Variants in MECOM observed in about 807,000 individuals in gnomAD.
The protein encoded by MECOM is MDS1 and EVI1 complex locus.
A neutral mutation model predicts 116.3 loss-of-function variants in MECOM; 13 were observed. That is an observed-to-expected ratio of 0.11 (90% CI 0.07 to 0.18). MECOM has a LOEUF of 0.18. Ranked by LOEUF, MECOM falls within the 10% of genes least tolerant of loss-of-function variation. The pLI, the probability that MECOM is intolerant of heterozygous loss-of-function variation, is 1.00. For missense variants in MECOM, 1,299 were observed against 1,509.0 expected (o/e 0.86, Z 2.31); for synonymous variants, 528 against 535.2 (o/e 0.99, Z 0.19).
chr3:169,413,597 G>A (rs1473197098), intron 1 of MECOM, among the ~76,000 whole-genome samples: 1 of 151,846 alleles, frequency 6.6e-6, no homozygotes, highest in East Asian at 1.9e-4. Context: ...TTGCTCAGTG[G>A]ATCCCAACTC....
chr3:169,307,330 CATT>C (rs1461184839), intron 2 of MECOM, among the ~76,000 whole-genome samples: 1 of 152,174 alleles, frequency 6.6e-6, no homozygotes, highest in Non-Finnish European at 1.5e-5. Flanking sequence ...AAAACAGAAT[CATT>C]GTAATCCCAG....
rs1255613781 is a variant in MECOM at position 169,594,174 on chromosome 3, A to AAAAAAAAAAAC, written c.37+69161_37+69162insGTTTTTTTTTT. Among the ~76,000 whole-genome samples, 207 of 125,810 alleles carry AAAAAAAAAAAC rather than the reference A, an allele frequency of 1.6e-3. 6 individuals are homozygous for AAAAAAAAAAAC. The highest frequency in any genetic ancestry group is 4.8e-3 in the African/African-American group (149 of 31,022). The allele number at this position is 125,810 out of a possible 152,430, so 82.5% of individuals were successfully genotyped here. A position where few individuals can be genotyped will look rare whatever the true frequency, so the allele number is the denominator to read the frequency against. On this transcript the variant is annotated intron_variant, in intron 1 of 16. Transcript: ENST00000651503. Reference sequence around the variant, plus strand: ...CACCACAAAAAAAAAAAAAAAAAAAAAACACCTTTTCACCTAAGTACCTCA... The same window carrying AAAAAAAAAAAC: ...CACCACAAAAAAAAAAAAAAAAAAAAAAAAAAAAAACAACACCTTTTCACCTAAGTACCTCA...
At position 169,485,973 on chromosome 3, in the gene MECOM, C is replaced by CT. The variant is rs1417219272; in HGVS notation, c.38-104450_38-104449insA. ...TATATGTACATATATACTATATATACATATATATATAGTATATATATGTAT... is the reference window on the plus strand; with the variant it reads ...TATATGTACATATATACTATATATACTATATATATATAGTATATATATGTAT... On this transcript the variant is annotated intron_variant, in intron 1 of 16. Transcript: ENST00000651503. 6.7e-4 allele frequency among the ~76,000 whole-genome samples: 36 copies of CT among 53,868 alleles called. 1 individual carries two copies. Among genetic ancestry groups the CT allele is most frequent in the East Asian group, 2.6e-3 (1 of 386 alleles). 35.3% of individuals were successfully genotyped at this position (53,868 alleles called of 152,430 possible).
chr3:169,275,684 A>G (rs1759493935), intron 2 of MECOM, among the ~76,000 whole-genome samples: 1 of 152,198 alleles, frequency 6.6e-6, no homozygotes, highest in Non-Finnish European at 1.5e-5. Context: ...TTCACATGAT[A>G]TAATTATAAC....
At chr3:169,409,696 C>A (rs147027338) in intron 1 of MECOM, among the ~76,000 whole-genome samples, 1 of 152,206 alleles carries the variant, frequency 6.6e-6, no homozygotes, top group African/African-American at 2.4e-5. Context: ...ACCCTCATAA[C>A]TGTACTCCCA....
At chr3:169,463,397 A>G (rs776609007) in intron 1 of MECOM, among the ~76,000 whole-genome samples, 36 of 152,260 alleles carry the variant, frequency 2.4e-4, no homozygotes, top group Non-Finnish European at 3.7e-4. Context: ...AGTTATTTCA[A>G]CTGAAAAAAA....
At chr3:169,535,031 C>T (rs369244419) in intron 1 of MECOM, among the ~76,000 whole-genome samples, 8 of 152,296 alleles carry the variant, frequency 5.3e-5, no homozygotes, top group South Asian at 2.1e-4. Flanking sequence ...TGCTGGTGAA[C>T]GCAGAAACAA....
rs558833587 is a variant in MECOM at position 169,178,079 on chromosome 3, T to C, written c.376-34247A>G. ...AGGCTACAGACCATGTCTATTTTAT[T>C]CTCCTACATAGCCTTTAGCAATCAG... On this transcript the variant is annotated intron_variant, in intron 2 of 16. Coordinates refer to ENST00000651503, the MANE Select transcript of MECOM (RefSeq NM_004991.4). 2.6e-5 allele frequency among the ~76,000 whole-genome samples: 4 copies of C among 152,266 alleles called. No homozygotes were observed. The South Asian group carries it at 8.3e-4, about 32-fold the overall frequency.
At chr3:169,389,605 T>G (rs1733917687) in intron 1 of MECOM, 2 of 985,218 alleles carry the variant, frequency 2.0e-6, no homozygotes, top group African/African-American at 3.5e-5. Context: ...GTCCCCAAAG[T>G]GATTTTCCTT....
chr3:169,304,717 T>C (rs946807675), intron 2 of MECOM, among the ~76,000 whole-genome samples: 2 of 152,210 alleles, frequency 1.3e-5, no homozygotes, highest in African/African-American at 4.8e-5. Flanking sequence ...AAGAACAAAA[T>C]AATTAAGAAA....
intron 1 of MECOM, among the ~76,000 whole-genome samples, chr3:169,529,059 T>A (rs1758281915): frequency 6.6e-6 from 1 of 150,708 alleles, no homozygotes; most frequent in African/African-American, 2.4e-5. Context: ...AAAAGGGAGG[T>A]TCTAGAAATA....
chr3:169,389,399 CTGT>C (rs1378645695), intron 1 of MECOM, among the ~76,000 whole-genome samples: 1 of 152,188 alleles, frequency 6.6e-6, no homozygotes, highest in Non-Finnish European at 1.5e-5. Context: ...TTGGCTTATT[CTGT>C]TGTTAAGGAG....
intron 1 of MECOM, among the ~76,000 whole-genome samples, chr3:169,546,602 T>A (rs1490812584): frequency 6.6e-6 from 1 of 152,178 alleles, no homozygotes; most frequent in East Asian, 1.9e-4. Flanking sequence ...ACTGGCCACT[T>A]CAAGATGCAG....
intron 12 of MECOM, among the ~76,000 whole-genome samples, chr3:169,096,313 C>T (rs905147312): frequency 2.6e-5 from 4 of 151,716 alleles, no homozygotes; most frequent in African/African-American, 9.7e-5. Flanking sequence ...CTCTGTCACC[C>T]AGGCTGGAGT....
chr3:169,200,638 G>A (rs923569688), intron 2 of MECOM, among the ~76,000 whole-genome samples: 1 of 152,056 alleles, frequency 6.6e-6, no homozygotes, highest in African/African-American at 2.4e-5. Flanking sequence ...AAAATGTAGA[G>A]CAAAGTCAAG....
At chr3:169,424,975 T>C (rs951894420) in intron 1 of MECOM, among the ~76,000 whole-genome samples, 8 of 152,124 alleles carry the variant, frequency 5.3e-5, no homozygotes, top group Admixed American at 5.3e-4. Context: ...GACTCTGTTA[T>C]ATACTACAGA....
chr3:169,157,670 T>C (rs1265584681), intron 2 of MECOM, among the ~76,000 whole-genome samples: 1 of 152,226 alleles, frequency 6.6e-6, no homozygotes, highest in Non-Finnish European at 1.5e-5. Context: ...AAAATCTTAA[T>C]ATAGCCTGTC....
At chr3:169,660,759 G>A (rs574049746) in intron 1 of MECOM, among the ~76,000 whole-genome samples, 2 of 152,242 alleles carry the variant, frequency 1.3e-5, no homozygotes, top group East Asian at 1.9e-4. Flanking sequence ...TCTCCGCCAC[G>A]CGCTACTCGG....
chr3:169,504,234 G>C (rs1754929142), intron 1 of MECOM, among the ~76,000 whole-genome samples: 1 of 149,150 alleles, frequency 6.7e-6, no homozygotes, highest in Non-Finnish European at 1.5e-5. Flanking sequence ...AAGCTGCCCA[G>C]ACTTGCCATT....
Sources: allele counts gnomAD v4.1 joint callset (sites outside exome capture counted in the v4.1 genomes callset), GRCh38; gene constraint gnomAD v4.1.1; transcripts MANE v1.5; gene names NCBI Gene and HGNC (gene_info 2026-07-23, HGNC 2026-07-21).